Variants in CEMIP observed in about 807,000 individuals in gnomAD.
CEMIP encodes the protein cell migration-inducing and hyaluronan-binding protein.
Under a neutral mutation model 156.9 loss-of-function variants are expected in CEMIP, and 105 were observed. The observed-to-expected ratio is 0.67, with a 90% CI of 0.57 to 0.79. The LOEUF (loss-of-function observed/expected upper bound fraction) is 0.79. Among genes scored for constraint, CEMIP ranks in the 30% least tolerant of loss-of-function variants. The pLI is 0.00. For missense variants in CEMIP, 1,457 were observed against 1,769.4 expected, an observed-to-expected ratio of 0.82 and a Z score of 3.17; for synonymous variants, 676 against 668.4, an observed-to-expected ratio of 1.01 and a Z score of -0.17.
At chr15:80,934,719 C>T (rs925010736) in intron 23 of CEMIP, among the ~76,000 whole-genome samples, 37 of 151,976 alleles carry the variant, frequency 2.4e-4, no homozygotes, top group African/African-American at 8.5e-4. Context: ...GGAAAAGGGC[C>T]ATAAGGGGCA....
At chr15:80,862,655 G>A (rs1011298038) in intron 1 of CEMIP, among the ~76,000 whole-genome samples, 7 of 152,226 alleles carry the variant, frequency 4.6e-5, no homozygotes, top group African/African-American at 1.7e-4. Context: ...GCTGGACTGG[G>A]GGGAGAATCC....
At chr15:80,908,530 G>A (rs1899902643) in intron 13 of CEMIP, among the ~76,000 whole-genome samples, 1 of 152,150 alleles carries the variant, frequency 6.6e-6, no homozygotes, top group African/African-American at 2.4e-5. Flanking sequence ...GAAAGAATGG[G>A]TCTATGCATA....
At chr15:80,859,427 G>A (rs1897930897) in intron 1 of CEMIP, among the ~76,000 whole-genome samples, 1 of 152,192 alleles carries the variant, frequency 6.6e-6, no homozygotes, top group South Asian at 2.1e-4. Context: ...AAGACATCTA[G>A]TTCTGGGAGC....
At position 80,889,510 on chromosome 15, in the gene CEMIP, C is replaced by G. The variant is rs756615633; in HGVS notation, c.1004C>G (p.Ser335Cys). The stretch of plus-strand genomic sequence containing the variant: ...GAGTGGTTCGATCATGATAAAGTAT[C>G]TCAGACTAAAGGTGGGGAGAAAATT... ...WTEWFDHDKVSQTKGGEKISD... is the reference protein window; with the variant it reads ...WTEWFDHDKVCQTKGGEKISD... The change falls in exon 10 of 30, where the codon TCT (serine) becomes TGT (cysteine). Residue 335 changes from serine (S) to cysteine (C), a missense_variant. Transcript: ENST00000394685. 5 of 1,614,168 alleles carry G rather than the reference C, an allele frequency of 3.1e-6. No homozygotes were observed. In the South Asian group the frequency reaches 5.5e-5, roughly 18 times the overall value.
At chr15:80,796,765 CT>C (rs1896238129) in intron 1 of CEMIP, among the ~76,000 whole-genome samples, 2 of 152,156 alleles carry the variant, frequency 1.3e-5, no homozygotes. Context: ...ACGCTCCTAC[CT>C]TTCAATCTGG....
chr15:80,910,676 G>T (rs1409030517), intron 14 of CEMIP, among the ~76,000 whole-genome samples: 1 of 152,248 alleles, frequency 6.6e-6, no homozygotes, highest in Non-Finnish European at 1.5e-5. Flanking sequence ...CAGATTGTGA[G>T]CTGTGGGACC....
intron 1 of CEMIP, among the ~76,000 whole-genome samples, chr15:80,818,413 T>C (rs1043644714): frequency 6.6e-6 from 1 of 152,208 alleles, no homozygotes; most frequent in Non-Finnish European, 1.5e-5. Context: ...TGCAAACTTA[T>C]CATGGGCCCA....
Position 80,925,751 on chromosome 15 carries a change from T to G in CEMIP, c.2416T>G (p.Cys806Gly), listed in dbSNP as rs1374845910. ...CGGCGGGGATGTGTGGCTGGACAGC[T>G]GCCGGTGAGTCAGAGCGGCGTGTGG... Reference protein sequence around the residue: ...LRGGDVWLDSCRFADNGIGLT... With the variant: ...LRGGDVWLDSGRFADNGIGLT... Residue 806 changes from cysteine to glycine, a missense_variant, in exon 19 of 30, where the codon TGC (cysteine) becomes GGC (glycine). Physicochemically the swap from Cys to Gly is radical, Grantham distance 159 (BLOSUM62 -3). Coordinates refer to ENST00000394685, the MANE Select transcript of CEMIP (RefSeq NM_001293298.2). 6.2e-7 allele frequency: 1 copy of G among 1,612,466 alleles called. No homozygotes were observed. The highest frequency in any genetic ancestry group is 1.7e-5 in the Admixed American group (1 of 60,012).
intron 1 of CEMIP, among the ~76,000 whole-genome samples, chr15:80,814,567 C>T (rs1039542935): frequency 3.9e-5 from 6 of 152,202 alleles, no homozygotes; most frequent in Non-Finnish European, 7.3e-5. Context: ...GAATTCTTCT[C>T]CTGCATCTTC....
At chr15:80,798,100 A>G (rs1291736858) in intron 1 of CEMIP, among the ~76,000 whole-genome samples, 1 of 152,240 alleles carries the variant, frequency 6.6e-6, no homozygotes, top group African/African-American at 2.4e-5. Context: ...TTTCCATTAT[A>G]TAAGCCATAT....
intron 1 of CEMIP, among the ~76,000 whole-genome samples, chr15:80,844,649 T>TG (rs1897510770): frequency 6.6e-6 from 1 of 152,228 alleles, no homozygotes. Flanking sequence ...GTTGCAGAAT[T>TG]GGGCTGCTTC....
intron 10 of CEMIP, among the ~76,000 whole-genome samples, chr15:80,889,846 C>A (rs759577662): frequency 3.9e-5 from 6 of 152,216 alleles, no homozygotes; most frequent in Non-Finnish European, 7.3e-5. Flanking sequence ...TCAGCCATGA[C>A]TGAGTGTGCC....
intron 1 of CEMIP, among the ~76,000 whole-genome samples, chr15:80,830,366 G>A (rs572998863): frequency 5.3e-5 from 8 of 152,332 alleles, no homozygotes; most frequent in African/African-American, 1.9e-4. Context: ...TGTATCCACA[G>A]TTCTTTGTCT....
chr15:80,803,418 G>A (rs1896429101), intron 1 of CEMIP, among the ~76,000 whole-genome samples: 1 of 152,018 alleles, frequency 6.6e-6, no homozygotes, highest in Non-Finnish European at 1.5e-5. Context: ...CAAAGTTCTA[G>A]GCACTGGATT....
intron 1 of CEMIP, among the ~76,000 whole-genome samples, chr15:80,810,448 A>G (rs900029829): frequency 2.0e-5 from 3 of 152,136 alleles, no homozygotes; most frequent in Non-Finnish European, 2.9e-5. Context: ...GCTCACTGCA[A>G]GCTCCGCCTT....
At chr15:80,923,426 G>A (rs1900546429) in intron 17 of CEMIP, among the ~76,000 whole-genome samples, 1 of 152,094 alleles carries the variant, frequency 6.6e-6, no homozygotes, top group Non-Finnish European at 1.5e-5. Context: ...CCCCTCACAC[G>A]CACCCCTTGG....
At chr15:80,945,228 G>A (rs1443740260) in intron 28 of CEMIP, among the ~76,000 whole-genome samples, 20 of 152,066 alleles carry the variant, frequency 1.3e-4, no homozygotes, top group Non-Finnish European at 1.5e-5. Flanking sequence ...CCATGAGGAT[G>A]GCACACCAGG....
At chr15:80,794,704 A>G (rs1175714641) in intron 1 of CEMIP, among the ~76,000 whole-genome samples, 1 of 152,304 alleles carries the variant, frequency 6.6e-6, no homozygotes, top group South Asian at 2.1e-4. Flanking sequence ...CTCAATTCGG[A>G]CCTGCCATGT....
chr15:80,785,835 G>C lies in CEMIP; in HGVS notation c.-176+6221G>C, dbSNP rs549140578. 1.2e-4 allele frequency among the ~76,000 whole-genome samples: 19 copies of C among 152,242 alleles called. No individual in the cohort carries two copies. The East Asian group carries it at 3.1e-3, about 25-fold the overall frequency. On this transcript the variant is annotated intron_variant, in intron 1 of 29. Transcript: ENST00000394685. ...ATGCATAAGCTCCCTCACCTGTCCA[G>C]GTCCATAAGCTCCCTTACTTGCATC...
Sources: allele counts gnomAD v4.1 joint callset (sites outside exome capture counted in the v4.1 genomes callset), GRCh38; gene constraint gnomAD v4.1.1; transcripts MANE v1.5; gene names NCBI Gene and HGNC (gene_info 2026-07-23, HGNC 2026-07-21).